ECE1: variants seen among roughly 807,000 people sequenced by gnomAD.
ECE1 encodes endothelin converting enzyme 1.
A neutral mutation model predicts 98.6 loss-of-function variants in ECE1; 35 were observed. The ratio of observed to expected loss-of-function variants is 0.35; its 90% confidence interval spans 0.27 to 0.47. The LOEUF (loss-of-function observed/expected upper bound fraction) is 0.47. Among genes scored for constraint, ECE1 ranks in the 20% least tolerant of loss-of-function variants. ECE1 has a pLI of 1.00. For synonymous variants in ECE1, 394 were observed against 407.1 expected (o/e 0.97, Z 0.39); for missense variants, 814 against 1,025.3 (o/e 0.79, Z 2.81).
intron 1 of ECE1, chr1:21,299,752 G>A (rs1007768654): frequency 6.6e-6 from 1 of 152,224 alleles, no homozygotes; most frequent in Non-Finnish European, 1.5e-5. Context: ...GGCTTGTGAA[G>A]ATAAAACGAG....
intron 8 of ECE1, among the ~76,000 whole-genome samples, chr1:21,250,019 T>C (rs1382467820): frequency 6.6e-6 from 1 of 151,438 alleles, no homozygotes; most frequent in African/African-American, 2.4e-5. Flanking sequence ...CCTCTGGTGA[T>C]CCACCCGTCT....
chr1:21,325,636 C>T (rs1008076890), intron 1 of ECE1, among the ~76,000 whole-genome samples: 2 of 152,266 alleles, frequency 1.3e-5, no homozygotes, highest in African/African-American at 4.8e-5. Flanking sequence ...CAAGCCTCAG[C>T]CTCCTCACCT....
In ECE1 at chr1:21,228,125, C is replaced by T. The variant is rs1349032590; in HGVS notation, c.1671-84G>A. The T allele has an allele frequency of 1.4e-5, 15 of 1,102,794 alleles. No homozygotes were observed. The East Asian group carries it at 2.1e-4, about 15-fold the overall frequency. 68.3% of individuals were successfully genotyped at this position (1,102,794 alleles called of 1,614,324 possible). ...CCTGCCTGGAGCGCTGCTTGGGGAT[C>T]GGGAATAAGGGCATTAAAAATGCAG... On this transcript the variant is annotated intron_variant, in intron 14 of 18. Transcript: ENST00000374893.
chr1:21,272,820 G>A lies in ECE1; in HGVS notation c.372C>T (p.Asp124=). ...SMDPTVDPCH[D]FFSYACGGWI... is the part of the protein sequence containing the mutation. ...AGCCCCCACAGGCGTAGCTGAAGAA[G>A]TCATGGCAGGGGTCCACTGTGGGGT... The change falls in exon 4 of 19, where the codon GAC becomes GAT. Residue 124 remains aspartate, a synonymous_variant. Coordinates refer to ENST00000374893, the MANE Select transcript of ECE1 (RefSeq NM_001397.3). 6.2e-7 allele frequency: 1 copy of A among 1,614,282 alleles called. No individual in the cohort carries two copies. Among genetic ancestry groups the A allele is most frequent in the Non-Finnish European group, 8.5e-7 (1 of 1,180,046 alleles).
intron 8 of ECE1, among the ~76,000 whole-genome samples, chr1:21,249,691 A>AG (rs1218512226): frequency 6.6e-6 from 1 of 152,202 alleles, no homozygotes; most frequent in Non-Finnish European, 1.5e-5. Flanking sequence ...CAGAAAAAAA[A>AG]GAGCACAGTT....
intron 7 of ECE1, 144 bp downstream of exon 7, chr1:21,257,381 T>G: frequency 1.1e-6 from 1 of 876,408 alleles, no homozygotes; most frequent in East Asian, 2.6e-5. Flanking sequence ...GTCCCTCCCC[T>G]GCCAGGGTCT....
chr1:21,342,928 T>C (rs374326660), intron 1 of ECE1, among the ~76,000 whole-genome samples: 1 of 152,160 alleles, frequency 6.6e-6, no homozygotes, highest in African/African-American at 2.4e-5. Context: ...GCCTAGTACT[T>C]TCTGGCCCCA....
intron 1 of ECE1, among the ~76,000 whole-genome samples, chr1:21,331,419 TA>T (rs1333699821): frequency 6.6e-6 from 1 of 151,462 alleles, no homozygotes; most frequent in Admixed American, 6.6e-5. Context: ...ATTAAAAAAT[TA>T]AAAAATAAAA....
At chr1:21,271,146 C>A (rs1005852207) in intron 4 of ECE1, among the ~76,000 whole-genome samples, 3 of 152,184 alleles carry the variant, frequency 2.0e-5, no homozygotes, top group African/African-American at 4.8e-5. Flanking sequence ...TCCATACACA[C>A]CACCCTGCTC....
In ECE1 at chr1:21,248,205, C is replaced by G. The variant is rs138104698; in HGVS notation, c.1021-842G>C. Among the ~76,000 whole-genome samples, 687 of 151,698 alleles carry G rather than the reference C, an allele frequency of 4.5e-3. 5 individuals are homozygous for G. The highest frequency in any genetic ancestry group is 0.016 in the African/African-American group (642 of 41,372). ...TTTTTTTTTGAGACGGAGTCTCACT[C>G]TCTTGTCCAGGCTGGAGTGCAGTGG... On this transcript the variant is annotated intron_variant, in intron 8 of 18. Coordinates refer to ENST00000374893, the MANE Select transcript of ECE1 (RefSeq NM_001397.3).
chr1:21,308,358 TG>T (rs1638642809), intron 1 of ECE1, among the ~76,000 whole-genome samples: 1 of 152,050 alleles, frequency 6.6e-6, no homozygotes, highest in Non-Finnish European at 1.5e-5. Flanking sequence ...AGACCACCTG[TG>T]TAGGACCCCC....
At chr1:21,275,964 T>C (rs1229186424) in intron 3 of ECE1, among the ~76,000 whole-genome samples, 1 of 151,850 alleles carries the variant, frequency 6.6e-6, no homozygotes, top group Non-Finnish European at 1.5e-5. Context: ...CAATATCCTA[T>C]GCGTTTTTAT....
chr1:21,272,504 C>T (rs1048287939), intron 4 of ECE1, among the ~76,000 whole-genome samples, 195 bp downstream of exon 4: 7 of 152,226 alleles, frequency 4.6e-5, no homozygotes, highest in African/African-American at 1.7e-4. Context: ...GTTGGCCAGG[C>T]TGGTCTTGAA....
At chr1:21,282,280 A>G (rs2098255467) in intron 2 of ECE1, among the ~76,000 whole-genome samples, 1 of 151,992 alleles carries the variant, frequency 6.6e-6, no homozygotes, top group Non-Finnish European at 1.5e-5. Flanking sequence ...ACAGAGCAAG[A>G]CCCTATCTCA....
At chr1:21,311,158 T>C (rs1292162592) in intron 1 of ECE1, among the ~76,000 whole-genome samples, 1 of 152,106 alleles carries the variant, frequency 6.6e-6, no homozygotes, top group East Asian at 1.9e-4. Context: ...GGGGCTGTTG[T>C]TTTCAGAGTG....
chr1:21,256,204 G>A, intron 7 of ECE1, 66 bp from the exon 8 acceptor site: 2 of 1,528,600 alleles, frequency 1.3e-6, no homozygotes, highest in Non-Finnish European at 8.8e-7. Flanking sequence ...GAGAGTTGGT[G>A]GGGGGCTTGG....
At chr1:21,261,625 G>C (rs764254032) in intron 4 of ECE1, among the ~76,000 whole-genome samples, 61 of 152,280 alleles carry the variant, frequency 4.0e-4, no homozygotes, top group Non-Finnish European at 7.3e-4. Flanking sequence ...CAGAAAGCGG[G>C]TCTTATTTAT....
intron 2 of ECE1, among the ~76,000 whole-genome samples, chr1:21,284,746 T>C (rs2098258668): frequency 6.6e-6 from 1 of 150,848 alleles, no homozygotes; most frequent in Non-Finnish European, 1.5e-5. Flanking sequence ...GCAGAAAGGG[T>C]GGGGAGCCAG....
chr1:21,286,646 A>AG (rs1472664707), intron 2 of ECE1, among the ~76,000 whole-genome samples: 1 of 152,158 alleles, frequency 6.6e-6, no homozygotes, highest in Non-Finnish European at 1.5e-5. Flanking sequence ...AAAGAAAAAG[A>AG]ACAGGTTAGG....
Sources: gnomAD v4.1 joint callset for allele counts (sites outside exome capture counted in the v4.1 genomes callset) on GRCh38, gnomAD v4.1.1 for gene constraint, MANE v1.5 for transcripts, NCBI Gene and HGNC (gene_info 2026-07-23, HGNC 2026-07-21) for gene names.